NKX2-6: variants seen among roughly 807,000 people sequenced by gnomAD.
NKX2-6 encodes the protein NK2 homeobox 6, also known as homeobox protein Nkx-2.6.
NKX2-6 carries 8 observed loss-of-function variants against 8.6 expected under a neutral mutation model. That is an observed-to-expected ratio of 0.93 (90% confidence interval 0.54 to 1.67). The LOEUF (loss-of-function observed/expected upper bound fraction) is 1.67. Ranked by LOEUF, NKX2-6 falls within the 40% of genes most tolerant of loss-of-function variation. The probability of loss-of-function intolerance (pLI) is 0.00; values close to 1 mark genes in which losing one functional copy is unlikely to be tolerated. For synonymous variants in NKX2-6, 210 were observed against 199.3 expected, an observed-to-expected ratio of 1.05 and a Z score of -0.45; for missense variants, 475 against 423.1, an observed-to-expected ratio of 1.12 and a Z score of -1.08.
In NKX2-6 at chr8:23,702,695, AG is replaced by A; in HGVS notation, c.661del (p.Leu221TrpfsTer105). The stretch of plus-strand genomic sequence containing the variant: ...GGCAGGTGCGCCGGGCCCGGGGCCC[AG>A]GCAGGGCTTGCCATCGCGCACCAGG... ...PVLVRDGKPC[L>X]GPGPGAPAFP... On this transcript the variant is annotated frameshift_variant, in exon 2 of 2. Coordinates refer to ENST00000325017, the MANE Select transcript of NKX2-6 (RefSeq NM_001136271.3). LOFTEE classifies it low-confidence loss of function (END_TRUNC). 6.4e-7 allele frequency: 1 copy of A among 1,551,332 alleles called. No homozygotes were observed.
In NKX2-6 at chr8:23,706,649, C is replaced by T. The variant is rs1801097782; in HGVS notation, c.-51G>A. On this transcript the variant is annotated 5_prime_UTR_variant, in exon 1 of 2. Transcript: ENST00000325017. ...AGGAGGTCCGGGTGAGGAGCGGCACCCTGAACTTCCCGTCTTGTCGCTGCA... is the reference window on the plus strand; with the variant it reads ...AGGAGGTCCGGGTGAGGAGCGGCACTCTGAACTTCCCGTCTTGTCGCTGCA... The T allele has an allele frequency of 6.7e-7, 1 of 1,485,646 alleles. No homozygotes were observed. The highest frequency in any genetic ancestry group is 9.0e-7 in the Non-Finnish European group (1 of 1,116,950). 92.0% of individuals were successfully genotyped at this position (1,485,646 alleles called of 1,614,324 possible).
intron 1 of NKX2-6, 119 bp downstream of exon 1, chr8:23,706,206 G>C (rs890387495): frequency 9.0e-7 from 1 of 1,107,100 alleles, no homozygotes; most frequent in African/African-American, 1.6e-5. Context: ...CTCCTCGAGA[G>C]AAAATGGAGA....
rs1801022127 is a variant in NKX2-6 at position 23,702,608 on chromosome 8, G to C, written c.749C>G (p.Ala250Gly). Residue 250 changes from alanine (A) to glycine (G), a missense_variant, in exon 2 of 2, where the codon GCA becomes GGA. Ala to Gly is a moderately conservative substitution (Grantham distance 60). Coordinates refer to ENST00000325017, the MANE Select transcript of NKX2-6 (RefSeq NM_001136271.3). ...PYSCYGGYSG[A>G]PYGAGYGTCY... ...GGTGCCGTAGCCTGCGCCGTAGGGTGCTCCGCTGTAGCCTCCGTAGCAAGA... is the reference window on the plus strand; with the variant it reads ...GGTGCCGTAGCCTGCGCCGTAGGGTCCTCCGCTGTAGCCTCCGTAGCAAGA... 1.9e-6 allele frequency: 3 copies of C among 1,547,626 alleles called. No homozygotes were observed. Among genetic ancestry groups the C allele is most frequent in the Non-Finnish European group, 2.6e-6 (3 of 1,146,264 alleles).
chr8:23,706,278 G>T, intron 1 of NKX2-6, 47 bp downstream of exon 1: 4 of 1,299,366 alleles, frequency 3.1e-6, no homozygotes, highest in Non-Finnish European at 4.1e-6. Flanking sequence ...TCACGCCCCC[G>T]CCCCCACATT....
chr8:23,704,284 C>T (rs555291108), intron 1 of NKX2-6, among the ~76,000 whole-genome samples: 1 of 152,310 alleles, frequency 6.6e-6, no homozygotes, highest in South Asian at 2.1e-4. Flanking sequence ...AGTAGCCTCT[C>T]CCTCCTTTGG....
At chr8:23,704,722 A>G (rs562327310) in intron 1 of NKX2-6, among the ~76,000 whole-genome samples, 37 of 152,170 alleles carry the variant, frequency 2.4e-4, no homozygotes, top group African/African-American at 8.0e-4. Flanking sequence ...AAGAGGAAAA[A>G]TTCTGAGGAG....
chr8:23,705,376 C>G (rs985932940), intron 1 of NKX2-6, among the ~76,000 whole-genome samples: 2 of 152,234 alleles, frequency 1.3e-5, no homozygotes, highest in African/African-American at 4.8e-5. Flanking sequence ...GGCGCCATGG[C>G]ACAGTCTGGC....
chr8:23,701,958 G>A lies in NKX2-6; in HGVS notation c.*493C>T, dbSNP rs1285956926. Among the ~76,000 whole-genome samples, 1 of 152,104 alleles carries A rather than the reference G, an allele frequency of 6.6e-6. No homozygotes were observed. Among genetic ancestry groups the A allele is most frequent in the East Asian group, 1.9e-4 (1 of 5,176 alleles). On this transcript the variant is annotated 3_prime_UTR_variant, in exon 2 of 2. Coordinates refer to ENST00000325017, the MANE Select transcript of NKX2-6 (RefSeq NM_001136271.3). ...GCAGGTTACTCTTCGTGAACTTCCC[G>A]GATCCTCAAGTTCCCAGCTCTTCAG...
At chr8:23,705,267 T>G (rs1234181800) in intron 1 of NKX2-6, among the ~76,000 whole-genome samples, 6 of 152,180 alleles carry the variant, frequency 3.9e-5, no homozygotes, top group Non-Finnish European at 8.8e-5. Flanking sequence ...CAGGTAATGT[T>G]CTTAGGCTTC....
chr8:23,705,732 C>T (rs985957026), intron 1 of NKX2-6, among the ~76,000 whole-genome samples: 4 of 152,242 alleles, frequency 2.6e-5, no homozygotes, highest in African/African-American at 9.6e-5. Context: ...GAGAATCCTG[C>T]GCCAACGGGG....
At position 23,706,573 on chromosome 8, in the gene NKX2-6, G is replaced by T; in HGVS notation, c.26C>A (p.Thr9Asn). Residue 9 changes from threonine to asparagine, a missense_variant, in exon 1 of 2, where the codon ACC (threonine) becomes AAC (asparagine). Thr to Asn is a moderately conservative substitution (Grantham distance 65, BLOSUM62 0). Coordinates refer to ENST00000325017, the MANE Select transcript of NKX2-6 (RefSeq NM_001136271.3). Reference sequence around the variant, plus strand: ...CAGGATGTCCTTGACCGAGAAGGGGGTGGAGGTGACGGGGCTCAGCAGCAT... The same window carrying T: ...CAGGATGTCCTTGACCGAGAAGGGGTTGGAGGTGACGGGGCTCAGCAGCAT... The part of the protein sequence containing the change: MLLSPVTS[T>N]PFSVKDILRL... 1.3e-6 allele frequency: 2 copies of T among 1,536,116 alleles called. No homozygotes were observed. The highest frequency in any genetic ancestry group is 1.7e-6 in the Non-Finnish European group (2 of 1,146,832).
At chr8:23,703,604 G>A (rs1406354436) in intron 1 of NKX2-6, among the ~76,000 whole-genome samples, 1 of 152,192 alleles carries the variant, frequency 6.6e-6, no homozygotes, top group Non-Finnish European at 1.5e-5. Context: ...GCTGAGGCAG[G>A]AGAATGGCGT....
chr8:23,706,396 T>C lies in NKX2-6; in HGVS notation c.203A>G (p.Asp68Gly). 1 of 1,551,156 alleles carries C rather than the reference T, an allele frequency of 6.4e-7. No homozygotes were observed. Among genetic ancestry groups the C allele is most frequent in the Non-Finnish European group, 8.7e-7 (1 of 1,146,964 alleles). The change falls in exon 1 of 2, where the codon GAT becomes GGT. Residue 68 changes from aspartate to glycine, a missense_variant. By Grantham distance (94) the Asp-to-Gly change is moderately conservative. Coordinates refer to ENST00000325017, the MANE Select transcript of NKX2-6 (RefSeq NM_001136271.3). The stretch of plus-strand genomic sequence containing the variant: ...GGGACCCCCAGGAGGCTCCGAACCA[T>C]CCAGCTTTCTGTCACCGCCGCCGCC... ...AGGGGGDRKLDGSEPPGGPCE... is the reference protein window; with the variant it reads ...AGGGGGDRKLGGSEPPGGPCE...
chr8:23,703,731 A>C (rs1313374275), intron 1 of NKX2-6, among the ~76,000 whole-genome samples: 2 of 151,804 alleles, frequency 1.3e-5, no homozygotes, highest in Non-Finnish European at 2.9e-5. Flanking sequence ...CAAACAAAAA[A>C]AAAACTGTGT....
chr8:23,701,899 G>A lies in NKX2-6; in HGVS notation c.*552C>T, dbSNP rs919859708. On this transcript the variant is annotated 3_prime_UTR_variant, in exon 2 of 2. Transcript: ENST00000325017. ...GGAGTCCCCTGGGGCGCGGCCTTAT[G>A]GGGATGTTTAAGTCCCAAAGGAAGA... Among the ~76,000 whole-genome samples, 53 of 152,276 alleles carry A rather than the reference G, an allele frequency of 3.5e-4. No individual in the cohort carries two copies. Among genetic ancestry groups the A allele is most frequent in the African/African-American group, 1.3e-3 (52 of 41,558 alleles).
intron 1 of NKX2-6, among the ~76,000 whole-genome samples, chr8:23,705,997 G>T (rs570105651): frequency 1.3e-5 from 2 of 152,294 alleles, no homozygotes; most frequent in East Asian, 3.9e-4. Flanking sequence ...ACTGCGGAGG[G>T]TTTCGCTGTG....
chr8:23,705,819 T>TG (rs1015101596), intron 1 of NKX2-6, among the ~76,000 whole-genome samples: 52 of 152,246 alleles, frequency 3.4e-4, no homozygotes, highest in African/African-American at 8.9e-4. Context: ...TGAGGAGGAA[T>TG]GGGGGGGTCC....
Position 23,702,684 on chromosome 8 carries a change from G to A in NKX2-6, c.673C>T (p.Pro225Ser), listed in dbSNP as rs913645847. 4.6e-5 allele frequency: 72 copies of A among 1,550,828 alleles called. No homozygotes were observed. The highest frequency in any genetic ancestry group is 6.1e-5 in the Non-Finnish European group (70 of 1,146,634). ...RDGKPCLGPG[P>S]GAPAFPSPYS... ...GGGCTGGGGAAGGCAGGTGCGCCGGGCCCGGGGCCCAGGCAGGGCTTGCCA... is the reference window on the plus strand; with the variant it reads ...GGGCTGGGGAAGGCAGGTGCGCCGGACCCGGGGCCCAGGCAGGGCTTGCCA... The change falls in exon 2 of 2, where the codon CCC becomes TCC. Residue 225 changes from proline (P) to serine (S), a missense_variant. Pro to Ser is a moderately conservative substitution (Grantham distance 74). Transcript: ENST00000325017.
At position 23,701,875 on chromosome 8, in the gene NKX2-6, G is replaced by A. The variant is rs1355590037; in HGVS notation, c.*576C>T. ...AAAAGAGTGCTCCTCTGGATTAACGGAGTCCCCTGGGGCGCGGCCTTATGG... is the reference window on the plus strand; with the variant it reads ...AAAAGAGTGCTCCTCTGGATTAACGAAGTCCCCTGGGGCGCGGCCTTATGG... On this transcript the variant is annotated 3_prime_UTR_variant, in exon 2 of 2. Coordinates refer to ENST00000325017, the MANE Select transcript of NKX2-6 (RefSeq NM_001136271.3). Among the ~76,000 whole-genome samples the A allele has an allele frequency of 6.6e-6, 1 of 152,148 alleles. No individual in the cohort carries two copies. The highest frequency in any genetic ancestry group is 1.5e-5 in the Non-Finnish European group (1 of 68,032).
Sources: gnomAD v4.1 joint callset for allele counts (sites outside exome capture counted in the v4.1 genomes callset) on GRCh38, gnomAD v4.1.1 for gene constraint, MANE v1.5 for transcripts, NCBI Gene and HGNC (gene_info 2026-07-23, HGNC 2026-07-21) for gene names.